Variants in COL5A3 observed in about 807,000 individuals in gnomAD.
COL5A3 encodes the protein collagen type V alpha 3 chain, also known as collagen alpha-3(V) chain.
Under a neutral mutation model 250.0 loss-of-function variants are expected in COL5A3, and 172 were observed. The ratio of observed to expected loss-of-function variants is 0.69; its 90% CI spans 0.61 to 0.78. The LOEUF (loss-of-function observed/expected upper bound fraction) is 0.78, where lower values mean the gene tolerates loss of function less well. COL5A3 is among the 30% of genes least tolerant of loss of function. The pLI, the probability that COL5A3 is intolerant of heterozygous loss-of-function variation, is 0.00. For synonymous variants in COL5A3, 937 were observed against 900.4 expected (o/e 1.04, Z -0.73); for missense variants, 2,340 against 2,334.4 (o/e 1.00, Z -0.05).
chr19:10,003,423 C>T (rs548115176), intron 6 of COL5A3, 142 bp downstream of exon 6: 1 of 826,992 alleles, frequency 1.2e-6, no homozygotes, highest in Non-Finnish European at 1.9e-6. Context: ...GGATCCGAGA[C>T]CAGAGAAAAA....
intron 57 of COL5A3, 31 bp downstream of exon 57, chr19:9,969,318 C>A: frequency 6.4e-7 from 1 of 1,569,366 alleles, no homozygotes; most frequent in Non-Finnish European, 8.6e-7. Context: ...GTCCTCAGAG[C>A]CAGAACCTCA....
intron 27 of COL5A3, among the ~76,000 whole-genome samples, chr19:9,987,754 A>G (rs1228674536): frequency 6.6e-6 from 1 of 151,902 alleles, no homozygotes; most frequent in Non-Finnish European, 1.5e-5. Flanking sequence ...ACCCTGTCTC[A>G]AGAATAATAA....
Position 9,976,678 on chromosome 19 carries a change from T to C in COL5A3, c.3289-67A>G, listed in dbSNP as rs2086927634. ...AAGATTAGAGAGGGCACTGGAGCTA[T>C]CAATCACTGCCTCCCACACCCCCTT... On this transcript the variant is annotated intron_variant, in intron 44 of 66. Transcript: ENST00000264828. The C allele has an allele frequency of 3.2e-6, 4 of 1,231,220 alleles. No individual in the cohort carries two copies. The African/African-American group carries it at 6.1e-5, about 19-fold the overall frequency. 76.3% of individuals were successfully genotyped at this position (1,231,220 alleles called of 1,614,324 possible).
In COL5A3 at chr19:9,969,607, G is replaced by T. The variant is rs774787957; in HGVS notation, c.4066C>A (p.Pro1356Thr). The change falls in exon 56 of 67, where the codon CCT becomes ACT. Residue 1356 changes from proline (P) to threonine (T), a missense_variant. Transcript: ENST00000264828. ...CCAGGGATCCCTCGAAGACCCTCAG[G>T]CCCCACACGTCCAGGGGGCCCTCTA... ...GARGPPGRVGPEGLRGIPGPV... is the reference protein window; with the variant it reads ...GARGPPGRVGTEGLRGIPGPV... The T allele has an allele frequency of 2.5e-6, 4 of 1,606,332 alleles. No homozygotes were observed. Among genetic ancestry groups the T allele is most frequent in the Non-Finnish European group, 1.7e-6 (2 of 1,177,946 alleles).
chr19:9,968,052 C>T lies in COL5A3; in HGVS notation c.4342G>A (p.Gly1448Ser). ...PGPPGPIGSL[G>S]HPGPPGVAGP... is the part of the protein sequence containing the mutation. ...GCCACACCTGGGGGCCCAGGGTGGC[C>T]CAGAGAGCCAATGGGACCAGGGGGA... The change falls in exon 60 of 67, where the codon GGC (glycine) becomes AGC (serine). Residue 1448 changes from glycine (G) to serine (S), a missense_variant. Physicochemically the swap from Gly to Ser is moderately conservative, Grantham distance 56. Transcript: ENST00000264828. This position sits in a 1 kb window ranked among gnomAD's most constrained non-coding sequence, Gnocchi z 4.1. 6.3e-7 allele frequency: 1 copy of T among 1,589,074 alleles called. No homozygotes were observed. Among genetic ancestry groups the T allele is most frequent in the Non-Finnish European group, 8.5e-7 (1 of 1,173,242 alleles).
chr19:9,977,295 T>C lies in COL5A3; in HGVS notation c.3235-13A>G, dbSNP rs567276509. 66 of 1,613,876 alleles carry C rather than the reference T, an allele frequency of 4.1e-5. No homozygotes were observed. The East Asian group carries it at 1.3e-3, about 32-fold the overall frequency. On this transcript the variant is annotated splice_polypyrimidine_tract_variant and intron_variant, in intron 43 of 66. Transcript: ENST00000264828. ...CACCCACATCCCCCTGCAGAGGAAATGGGATGAAGGACCCAGCTTCCATTC... is the reference window on the plus strand; with the variant it reads ...CACCCACATCCCCCTGCAGAGGAAACGGGATGAAGGACCCAGCTTCCATTC...
intron 44 of COL5A3, 151 bp downstream of exon 44, chr19:9,977,078 C>G (rs767572603): frequency 1.3e-4 from 98 of 746,460 alleles, no homozygotes; most frequent in Non-Finnish European, 2.0e-4. Flanking sequence ...AGCTCAAGTA[C>G]CTTCTGTTGC....
intron 54 of COL5A3, among the ~76,000 whole-genome samples, chr19:9,970,269 A>G (rs118098359): frequency 9.0e-4 from 13 of 14,498 alleles, no homozygotes; most frequent in East Asian, 4.8e-3. Context: ...GGGTGTGTGG[A>G]TGAGTGGGGT....
At position 10,009,933 on chromosome 19, in the gene COL5A3, C is replaced by T. The variant is rs1010631195; in HGVS notation, c.88+365G>A. On this transcript the variant is annotated intron_variant, in intron 1 of 66. Coordinates refer to ENST00000264828, the MANE Select transcript of COL5A3 (RefSeq NM_015719.4). This position sits in a 1 kb window ranked among gnomAD's most constrained non-coding sequence, Gnocchi z 4.4. ...ACTCACCTGTCGCAATACACACCGT[C>T]CCAGCACTGCCCTGTCACTCACAGT... 1.2e-4 allele frequency among the ~76,000 whole-genome samples: 18 copies of T among 152,156 alleles called. 1 individual carries two copies. The highest frequency in any genetic ancestry group is 1.5e-5 in the Non-Finnish European group (1 of 68,040).
chr19:9,973,665 G>C (rs1462688730), intron 49 of COL5A3, 42 bp from the exon 50 acceptor site: 3 of 1,611,184 alleles, frequency 1.9e-6, no homozygotes, highest in Admixed American at 1.7e-5. Flanking sequence ...TCCCATCCTA[G>C]CAGACAGGGA....
At chr19:9,988,175 G>A (rs918268798) in intron 27 of COL5A3, among the ~76,000 whole-genome samples, 4 of 152,042 alleles carry the variant, frequency 2.6e-5, no homozygotes, top group Middle Eastern at 3.5e-3. Flanking sequence ...CAGAGGTTGC[G>A]GTGAGCCCAG....
In COL5A3 at chr19:10,006,056, C is replaced by T. The variant is rs772461676; in HGVS notation, c.247+17G>A. 2 of 1,612,976 alleles carry T rather than the reference C, an allele frequency of 1.2e-6. No homozygotes were observed. Among genetic ancestry groups the T allele is most frequent in the South Asian group, 2.2e-5 (2 of 91,030 alleles). On this transcript the variant is annotated intron_variant, in intron 2 of 66. Coordinates refer to ENST00000264828, the MANE Select transcript of COL5A3 (RefSeq NM_015719.4). The stretch of plus-strand genomic sequence containing the variant: ...CCTCCCTCCGGGGAGGTACCCAGGC[C>T]TCCTACTCCAACTCACCTGGAAAGA...
In COL5A3 at chr19:10,004,036, C is replaced by T. The variant is rs777555616; in HGVS notation, c.699+5G>A. 349 of 1,609,218 alleles carry T rather than the reference C, an allele frequency of 2.2e-4. 1 individual carries two copies. Among genetic ancestry groups the T allele is most frequent in the Non-Finnish European group, 2.3e-5 (27 of 1,175,626 alleles). ...AGATTAGGAGTCATGGAGTCCCTCA[C>T]TCACCACTGTGGCTGCCGGTGCCAG... On this transcript the variant is annotated splice_donor_5th_base_variant and intron_variant, in intron 5 of 66. Transcript: ENST00000264828.
chr19:9,971,209 A>C lies in COL5A3; in HGVS notation c.3824T>G (p.Val1275Gly). 6.4e-7 allele frequency: 1 copy of C among 1,554,078 alleles called. No homozygotes were observed. Among genetic ancestry groups the C allele is most frequent in the East Asian group, 2.5e-5 (1 of 40,728 alleles). ...GDLGPPGDPG[V>G]SGIDGSPGEK... ...TGGGGAGGGGGTCACACTCACTGAA[A>C]CTCCAGGGTCTCCTGGGGGCCCTAG... The change falls in exon 52 of 67, where the codon GTT becomes GGT. Residue 1275 changes from valine (V) to glycine (G), a missense_variant. Val to Gly is a moderately radical substitution (Grantham distance 109). Around this residue, in one of 3 missense-constraint regions of COL5A3, gnomAD observed 1,179 missense variants for 1,162.6 expected, o/e 1.01. Coordinates refer to ENST00000264828, the MANE Select transcript of COL5A3 (RefSeq NM_015719.4).
At chr19:10,006,355 G>A in intron 1 of COL5A3, 124 bp from the exon 2 acceptor site, 1 of 929,290 alleles carries the variant, frequency 1.1e-6, no homozygotes. Flanking sequence ...CTCCCACCAT[G>A]TTTGTGGCTC....
chr19:9,977,658 A>G lies in COL5A3; in HGVS notation c.3062T>C (p.Ile1021Thr). The stretch of plus-strand genomic sequence containing the variant: ...GCTGCCACTTTGGCCAGGAAGTCCA[A>G]TGCCTCCTGCTGGGCCCAAAGGACC... ...ERGPLGPAGGIGLPGQSGSEG... is the reference protein window; with the variant it reads ...ERGPLGPAGGTGLPGQSGSEG... The change falls in exon 42 of 67, where the codon ATT (isoleucine) becomes ACT (threonine). Residue 1021 changes from isoleucine to threonine, a missense_variant. By Grantham distance (89) the Ile-to-Thr change is moderately conservative. This residue lies in a region of COL5A3 where 1,179 missense variants were observed against 1,162.6 expected (regional missense o/e 1.01). Transcript: ENST00000264828. 1 of 1,608,458 alleles carries G rather than the reference A, an allele frequency of 6.2e-7. No homozygotes were observed. Among genetic ancestry groups the G allele is most frequent in the Non-Finnish European group, 8.5e-7 (1 of 1,177,166 alleles).
chr19:10,003,611 T>C lies in COL5A3; in HGVS notation c.803A>G (p.Lys268Arg). 6.2e-7 allele frequency: 1 copy of C among 1,614,140 alleles called. No homozygotes were observed. The highest frequency in any genetic ancestry group is 8.5e-7 in the Non-Finnish European group (1 of 1,180,012). Residue 268 changes from lysine (K) to arginine (R), a missense_variant, in exon 6 of 67, where the codon AAG becomes AGG. This residue lies in a region of COL5A3 where 1,152 missense variants were observed against 1,146.3 expected (regional missense o/e 1.00). Coordinates refer to ENST00000264828, the MANE Select transcript of COL5A3 (RefSeq NM_015719.4). Reference sequence around the variant, plus strand: ...AGGTGGACTTGAGGTCCAAATTTCCTTGTTCTTTTTCCTGCCCTTCCCCTT... The same window carrying C: ...AGGTGGACTTGAGGTCCAAATTTCCCTGTTCTTTTTCCTGCCCTTCCCCTT... ...GRKGKGRKKNKEIWTSSPPPD... is the reference protein window; with the variant it reads ...GRKGKGRKKNREIWTSSPPPD...
At position 10,008,226 on chromosome 19, in the gene COL5A3, C is replaced by A. The variant is rs1345980647; in HGVS notation, c.89-1995G>T. 2.6e-5 allele frequency among the ~76,000 whole-genome samples: 4 copies of A among 152,278 alleles called. No homozygotes were observed. In the East Asian group the frequency reaches 7.7e-4, roughly 29 times the overall value. On this transcript the variant is annotated intron_variant, in intron 1 of 66. Coordinates refer to ENST00000264828, the MANE Select transcript of COL5A3 (RefSeq NM_015719.4). Reference sequence around the variant, plus strand: ...CCTGGAGGCTCTCCCCTGACCCGCACCCTAACCTCTCTGCAGAGGAAAGAG... The same window carrying A: ...CCTGGAGGCTCTCCCCTGACCCGCAACCTAACCTCTCTGCAGAGGAAAGAG...
chr19:9,996,575 C>T, intron 12 of COL5A3, 40 bp downstream of exon 12: 2 of 1,613,484 alleles, frequency 1.2e-6, no homozygotes, highest in Non-Finnish European at 1.7e-6. Flanking sequence ...TGGATCAGGA[C>T]TCCACTCCCC....
Sources: allele counts gnomAD v4.1 joint callset (sites outside exome capture counted in the v4.1 genomes callset), GRCh38; gene constraint gnomAD v4.1.1; regional missense constraint gnomAD v4.1.1; non-coding constraint Gnocchi (gnomAD v3.1); transcripts MANE v1.5; gene names NCBI Gene and HGNC (gene_info 2026-07-23, HGNC 2026-07-21).